The following CADPS2 variants were observed in gnomAD, a reference collection of about 807,000 sequenced individuals.
CADPS2 encodes the protein calcium-dependent secretion activator 2.
Under a neutral mutation model 172.5 loss-of-function variants are expected in CADPS2, and 93 were observed. That is an observed-to-expected ratio of 0.54 (90% CI 0.46 to 0.64). The LOEUF (loss-of-function observed/expected upper bound fraction) is 0.64. Among genes scored for constraint, CADPS2 ranks in the 30% least tolerant of loss-of-function variants. CADPS2 has a pLI of 0.00. For synonymous variants in CADPS2, 546 were observed against 555.2 expected (o/e 0.98, Z 0.23); for missense variants, 1,420 against 1,565.9 (o/e 0.91, Z 1.57).
At chr7:122,848,059 C>T (rs1812513088) in intron 1 of CADPS2, among the ~76,000 whole-genome samples, 1 of 152,182 alleles carries the variant, frequency 6.6e-6, no homozygotes, top group Non-Finnish European at 1.5e-5. Context: ...CAACTCTTTG[C>T]CTATGGCTAA....
chr7:122,740,394 TGGAAAGACATGGA>T (rs1385832239), intron 1 of CADPS2, among the ~76,000 whole-genome samples: 1 of 152,058 alleles, frequency 6.6e-6, no homozygotes, highest in Non-Finnish European at 1.5e-5. Flanking sequence ...TATCAAGCCA[TGGAAAGACATGGA>T]GGAACCTTAA....
At chr7:122,391,419 C>T (rs752292054) in intron 22 of CADPS2, among the ~76,000 whole-genome samples, 25 of 151,930 alleles carry the variant, frequency 1.6e-4, no homozygotes, top group Non-Finnish European at 2.9e-4. Context: ...AAATAAATTT[C>T]GCAGGATAAT....
At chr7:122,630,747 A>G (rs998510338) in intron 3 of CADPS2, among the ~76,000 whole-genome samples, 5 of 152,190 alleles carry the variant, frequency 3.3e-5, no homozygotes, top group Admixed American at 3.3e-4. Context: ...AATTGAGGAT[A>G]TTCATGTTAA....
intron 8 of CADPS2, among the ~76,000 whole-genome samples, chr7:122,514,047 T>C (rs1234932450): frequency 6.6e-6 from 1 of 152,160 alleles, no homozygotes; most frequent in East Asian, 1.9e-4. Flanking sequence ...AATATTATTC[T>C]TACTGAATAT....
intron 22 of CADPS2, among the ~76,000 whole-genome samples, chr7:122,390,798 A>C: frequency 1.3e-5 from 2 of 152,038 alleles, no homozygotes; most frequent in East Asian, 3.8e-4. Flanking sequence ...TCATTTTAAA[A>C]TTATTTCTAA....
chr7:122,448,070 T>C (rs2052539000), intron 15 of CADPS2, among the ~76,000 whole-genome samples: 1 of 152,190 alleles, frequency 6.6e-6, no homozygotes, highest in Admixed American at 6.5e-5. Flanking sequence ...GATATCAGTA[T>C]TGCTCCTCAC....
intron 24 of CADPS2, 67 bp from the exon 25 acceptor site, chr7:122,379,509 T>G (rs756460422): frequency 1.8e-5 from 17 of 953,380 alleles, no homozygotes; most frequent in Non-Finnish European, 2.7e-5. Context: ...CAGTCATAAA[T>G]GCTCTAAATC....
Position 122,427,283 on chromosome 7 carries a change from TTTTA to T in CADPS2, c.2476+11054_2476+11057del, listed in dbSNP as rs1202088396. 2.6e-5 allele frequency: 4 copies of T among 152,304 alleles called. No homozygotes were observed. In the East Asian group the frequency reaches 5.8e-4, roughly 22 times the overall value. The allele number at this position is 152,304 out of a possible 1,614,324, so 9.4% of individuals were successfully genotyped here. On this transcript the variant is annotated intron_variant, in intron 17 of 29. Transcript: ENST00000449022. ...CTATTTCTGAACTGTTATCTAAGTG[TTTTA>T]TTTATTTCTATGTAGAAAATGAACT...
At chr7:122,881,414 T>A (rs1391349367) in intron 1 of CADPS2, among the ~76,000 whole-genome samples, 1 of 152,140 alleles carries the variant, frequency 6.6e-6, no homozygotes, top group Non-Finnish European at 1.5e-5. Flanking sequence ...GTTAAAAGAA[T>A]CAGCTGAAGC....
intron 8 of CADPS2, among the ~76,000 whole-genome samples, chr7:122,514,764 G>A (rs543727215): frequency 6.6e-6 from 1 of 152,078 alleles, no homozygotes; most frequent in South Asian, 2.1e-4. Context: ...TAGTCAATAC[G>A]TGCTGGCATA....
At chr7:122,342,766 T>C (rs1376827737) in intron 28 of CADPS2, among the ~76,000 whole-genome samples, 1 of 152,134 alleles carries the variant, frequency 6.6e-6, no homozygotes, top group African/African-American at 2.4e-5. Flanking sequence ...TTCACTTGCA[T>C]CTGAAGTTAA....
intron 1 of CADPS2, among the ~76,000 whole-genome samples, chr7:122,831,290 C>T (rs1359997129): frequency 6.6e-6 from 1 of 152,214 alleles, no homozygotes; most frequent in African/African-American, 2.4e-5. Flanking sequence ...TCTCAAGCAA[C>T]AAAATGACTG....
chr7:122,442,610 CAT>C (rs1468114368), intron 15 of CADPS2, among the ~76,000 whole-genome samples: 2 of 152,124 alleles, frequency 1.3e-5, no homozygotes, highest in South Asian at 2.1e-4. Context: ...CCCAAAAGCA[CAT>C]ATGTTAAGTT....
intron 1 of CADPS2, among the ~76,000 whole-genome samples, chr7:122,821,101 T>C (rs1368547616): frequency 6.6e-6 from 1 of 152,032 alleles, no homozygotes; most frequent in Non-Finnish European, 1.5e-5. Flanking sequence ...CAGACTTCAA[T>C]CCAGCCTCCC....
chr7:122,481,295 C>G (rs2057278628), intron 11 of CADPS2, among the ~76,000 whole-genome samples: 1 of 150,390 alleles, frequency 6.6e-6, no homozygotes, highest in South Asian at 2.1e-4. Flanking sequence ...TGATTTAAAA[C>G]TTTACTAGCA....
chr7:122,779,256 A>C (rs1247533490), intron 1 of CADPS2, among the ~76,000 whole-genome samples: 1 of 152,150 alleles, frequency 6.6e-6, no homozygotes, highest in African/African-American at 2.4e-5. Flanking sequence ...TGCACACAAC[A>C]ATAAGCCTTT....
chr7:122,405,043 T>C (rs575000376), intron 20 of CADPS2, among the ~76,000 whole-genome samples: 2 of 151,804 alleles, frequency 1.3e-5, no homozygotes, highest in South Asian at 4.2e-4. Context: ...GATCGCGTCA[T>C]TGCACTCCAG....
intron 3 of CADPS2, among the ~76,000 whole-genome samples, chr7:122,640,285 C>T (rs1375666326): frequency 1.3e-5 from 2 of 152,154 alleles, no homozygotes; most frequent in African/African-American, 4.8e-5. Flanking sequence ...CTTTCTCTCC[C>T]TTTCCCTCTT....
chr7:122,482,587 CAA>C (rs2057416519), intron 11 of CADPS2, among the ~76,000 whole-genome samples: 1 of 152,062 alleles, frequency 6.6e-6, no homozygotes, highest in African/African-American at 2.4e-5. Context: ...AAAAAATTTA[CAA>C]AAAGTTTATT....
Sources: allele counts gnomAD v4.1 joint callset (sites outside exome capture counted in the v4.1 genomes callset), GRCh38; gene constraint gnomAD v4.1.1; transcripts MANE v1.5; gene names NCBI Gene and HGNC (gene_info 2026-07-23, HGNC 2026-07-21).